Variants in DCUN1D2 observed in about 807,000 individuals in gnomAD.
DCUN1D2 encodes the protein DCN1-like protein 2.
A neutral mutation model predicts 30.9 loss-of-function variants in DCUN1D2; 29 were observed. That is an observed-to-expected ratio of 0.94 (90% CI 0.70 to 1.28). The LOEUF is 1.28. Ranked by LOEUF, DCUN1D2 falls within the 50% of genes most tolerant of loss-of-function variation. The probability of loss-of-function intolerance (pLI) is 0.00; values close to 1 mark genes in which losing one functional copy is unlikely to be tolerated. For missense variants in DCUN1D2, 325 were observed against 316.9 expected, an observed-to-expected ratio of 1.03 and a Z score of -0.19; for synonymous variants, 121 against 115.3, an observed-to-expected ratio of 1.05 and a Z score of -0.32.
At chr13:113,458,736 C>T (rs1293217150) in intron 6 of DCUN1D2, among the ~76,000 whole-genome samples, 1 of 152,170 alleles carries the variant, frequency 6.6e-6, no homozygotes, top group Admixed American at 6.5e-5. Context: ...GTTAAAGGCA[C>T]GGCGCCAGGG....
In DCUN1D2 at chr13:113,456,093, G is replaced by A. The variant is rs894741477; in HGVS notation, c.*1936C>T. ...AGAATCCATGAAGCCTGGAAGATACGCTCACGTTTTTGAGGTTTGTATTAA... is the reference window on the plus strand; with the variant it reads ...AGAATCCATGAAGCCTGGAAGATACACTCACGTTTTTGAGGTTTGTATTAA... On this transcript the variant is annotated 3_prime_UTR_variant, in exon 7 of 7. Transcript: ENST00000478244. 9 of 397,280 alleles carry A rather than the reference G, an allele frequency of 2.3e-5. No homozygotes were observed. Among genetic ancestry groups the A allele is most frequent in the East Asian group, 1.1e-4 (3 of 28,082 alleles). 24.6% of individuals were successfully genotyped at this position (397,280 alleles called of 1,614,324 possible).
At chr13:113,460,304 T>C (rs1299398759) in intron 5 of DCUN1D2, among the ~76,000 whole-genome samples, 3 of 152,328 alleles carry the variant, frequency 2.0e-5, no homozygotes, top group Admixed American at 6.5e-5. Flanking sequence ...TGGCAAAGTC[T>C]GTGTCACCTG....
chr13:113,461,386 A>G (rs915959596), intron 4 of DCUN1D2, among the ~76,000 whole-genome samples: 3 of 152,136 alleles, frequency 2.0e-5, no homozygotes, highest in Non-Finnish European at 2.9e-5. Context: ...ATTCCCCCCT[A>G]ATTAATCAGT....
intron 5 of DCUN1D2, among the ~76,000 whole-genome samples, chr13:113,459,993 T>G (rs1013641760): frequency 6.6e-6 from 1 of 152,224 alleles, no homozygotes. Flanking sequence ...CTTCATCCCC[T>G]TCTCCACGCA....
In DCUN1D2 at chr13:113,456,994, C is replaced by A. The variant is rs1244541125; in HGVS notation, c.*1035G>T. 6.6e-6 allele frequency: 1 copy of A among 152,240 alleles called. No individual in the cohort carries two copies. Among genetic ancestry groups the A allele is most frequent in the Admixed American group, 6.5e-5 (1 of 15,278 alleles). The allele number at this position is 152,240 out of a possible 1,614,324, so 9.4% of individuals were successfully genotyped here. ...TCCTGAGTTCAAGCGAATCTCCTGCCTCAGCCTCCTGAGTAGCTGGGATTA... is the reference window on the plus strand; with the variant it reads ...TCCTGAGTTCAAGCGAATCTCCTGCATCAGCCTCCTGAGTAGCTGGGATTA... On this transcript the variant is annotated 3_prime_UTR_variant, in exon 7 of 7. Coordinates refer to ENST00000478244, the MANE Select transcript of DCUN1D2 (RefSeq NM_001014283.2).
chr13:113,467,105 G>A (rs1376956062), intron 4 of DCUN1D2, among the ~76,000 whole-genome samples: 1 of 152,066 alleles, frequency 6.6e-6, no homozygotes, highest in Non-Finnish European at 1.5e-5. Flanking sequence ...ACCACGCCTG[G>A]CCTGTCCTTT....
intron 4 of DCUN1D2, among the ~76,000 whole-genome samples, chr13:113,473,121 GTCTC>G (rs1381519034): frequency 5.7e-5 from 8 of 141,392 alleles, no homozygotes; most frequent in South Asian, 4.6e-4. Context: ...TCTGTCCCCC[GTCTC>G]TCTATCCCTC....
chr13:113,473,169 C>G (rs548621707), intron 4 of DCUN1D2, among the ~76,000 whole-genome samples: 133 of 151,460 alleles, frequency 8.8e-4, no homozygotes, highest in African/African-American at 2.9e-3. Context: ...TGTCCCCCGT[C>G]TCTCTATCCC....
chr13:113,464,483 G>C (rs1346866343), intron 4 of DCUN1D2, among the ~76,000 whole-genome samples: 2 of 152,200 alleles, frequency 1.3e-5, no homozygotes, highest in Non-Finnish European at 2.9e-5. Flanking sequence ...AATAAATTTT[G>C]CAACTCTGAA....
At position 113,457,947 on chromosome 13, in the gene DCUN1D2, C is replaced by A. The variant is rs951945876; in HGVS notation, c.*82G>T. The A allele has an allele frequency of 3.1e-6, 4 of 1,286,796 alleles. No individual in the cohort carries two copies. In the Admixed American group the frequency reaches 6.9e-5, roughly 22 times the overall value. 79.7% of individuals were successfully genotyped at this position (1,286,796 alleles called of 1,614,324 possible). A position where few individuals can be genotyped will look rare whatever the true frequency, so the allele number is the denominator to read the frequency against. The stretch of plus-strand genomic sequence containing the variant: ...GGTCAAGAATGACTTCTGGAATCAG[C>A]GACAATGCACCCAGGAACTGACTGC... On this transcript the variant is annotated 3_prime_UTR_variant, in exon 7 of 7. Transcript: ENST00000478244.
At chr13:113,466,476 C>T (rs1200375402) in intron 4 of DCUN1D2, among the ~76,000 whole-genome samples, 1 of 152,124 alleles carries the variant, frequency 6.6e-6, no homozygotes, top group African/African-American at 2.4e-5. Context: ...TCAGTGTAGA[C>T]TTTCCCCTTC....
chr13:113,456,285 A>C lies in DCUN1D2; in HGVS notation c.*1744T>G, dbSNP rs915936585. The stretch of plus-strand genomic sequence containing the variant: ...CCAGCGGGGGCCAGGCGGGGTCTGC[A>C]GGCTGCAGGTCCCTTCCAGTCCTGT... On this transcript the variant is annotated 3_prime_UTR_variant, in exon 7 of 7. Coordinates refer to ENST00000478244, the MANE Select transcript of DCUN1D2 (RefSeq NM_001014283.2). The C allele has an allele frequency of 5.0e-6, 2 of 398,696 alleles. No individual in the cohort carries two copies. The highest frequency in any genetic ancestry group is 4.1e-5 in the African/African-American group (2 of 48,640). The allele number at this position is 398,696 out of a possible 1,614,324, so 24.7% of individuals were successfully genotyped here.
chr13:113,466,532 A>T (rs2044405246), intron 4 of DCUN1D2, among the ~76,000 whole-genome samples: 1 of 152,198 alleles, frequency 6.6e-6, no homozygotes, highest in African/African-American at 2.4e-5. Context: ...AAAATAATAA[A>T]TCTTCAGTGC....
intron 4 of DCUN1D2, among the ~76,000 whole-genome samples, chr13:113,467,753 T>C (rs772905602): frequency 3.3e-5 from 5 of 152,062 alleles, no homozygotes; most frequent in African/African-American, 4.8e-5. Context: ...CCCAAAAGAA[T>C]TAAAAGCGGG....
In DCUN1D2 at chr13:113,457,948, G is replaced by C; in HGVS notation, c.*81C>G. ...GTCAAGAATGACTTCTGGAATCAGC[G>C]ACAATGCACCCAGGAACTGACTGCA... On this transcript the variant is annotated 3_prime_UTR_variant, in exon 7 of 7. Coordinates refer to ENST00000478244, the MANE Select transcript of DCUN1D2 (RefSeq NM_001014283.2). The C allele has an allele frequency of 7.7e-7, 1 of 1,299,660 alleles. No individual in the cohort carries two copies. Among genetic ancestry groups the C allele is most frequent in the Admixed American group, 1.7e-5 (1 of 58,104 alleles). The allele number at this position is 1,299,660 out of a possible 1,614,324, so 80.5% of individuals were successfully genotyped here. A position where few individuals can be genotyped will look rare whatever the true frequency, so the allele number is the denominator to read the frequency against.
chr13:113,475,685 G>C (rs906753864), intron 3 of DCUN1D2, among the ~76,000 whole-genome samples: 8 of 152,124 alleles, frequency 5.3e-5, no homozygotes, highest in African/African-American at 1.9e-4. Context: ...CCAGGAGTTT[G>C]AGACCAGTCT....
chr13:113,462,894 G>A, intron 4 of DCUN1D2: 1 of 1,248,022 alleles, frequency 8.0e-7, no homozygotes, highest in Non-Finnish European at 1.0e-6. Context: ...AGGTGAACCT[G>A]GGGAGGAAAA....
rs1287016044 is a variant in DCUN1D2, at chr13:113,488,097, T to C, written c.3+2570A>G. On this transcript the variant is annotated intron_variant, in intron 1 of 6. Coordinates refer to ENST00000478244, the MANE Select transcript of DCUN1D2 (RefSeq NM_001014283.2). The surrounding 1 kb of genome is among the most constrained non-coding windows in gnomAD (Gnocchi z 4.3). ...CCAGCAGCCTAATTTCTTGGAACTC[T>C]AGAAGAACAGATGCAGGAGCACATG... 6.6e-6 allele frequency among the ~76,000 whole-genome samples: 1 copy of C among 152,208 alleles called. No individual in the cohort carries two copies. The highest frequency in any genetic ancestry group is 2.4e-5 in the African/African-American group (1 of 41,454).
chr13:113,468,107 G>A (rs965573848), intron 4 of DCUN1D2, among the ~76,000 whole-genome samples: 12 of 149,822 alleles, frequency 8.0e-5, no homozygotes, highest in African/African-American at 2.7e-4. Context: ...GTACACCCAT[G>A]TTCATAGCAG....
Sources: allele counts gnomAD v4.1 joint callset (sites outside exome capture counted in the v4.1 genomes callset), GRCh38; gene constraint gnomAD v4.1.1; non-coding constraint Gnocchi (gnomAD v3.1); transcripts MANE v1.5; gene names NCBI Gene and HGNC (gene_info 2026-07-23, HGNC 2026-07-21).